The following ULK1 variants were observed in gnomAD, a reference collection of about 807,000 sequenced individuals.
The protein encoded by ULK1 is serine/threonine-protein kinase ULK1.
ULK1 carries 48 observed loss-of-function variants against 117.5 expected under a neutral mutation model. That is an observed-to-expected ratio of 0.41 (90% CI 0.32 to 0.52). The LOEUF is 0.52. ULK1 is among the 20% of genes least tolerant of loss of function. ULK1 has a pLI of 0.29. For synonymous variants in ULK1, 790 were observed against 637.8 expected (o/e 1.24, Z -3.60); for missense variants, 1,387 against 1,473.4 (o/e 0.94, Z 0.96).
intron 26 of ULK1, chr12:131,920,867 T>G: frequency 1.7e-6 from 1 of 579,028 alleles, no homozygotes; most frequent in Non-Finnish European, 3.0e-6. Flanking sequence ...CACTCTGTTG[T>G]CCTGGGGCCG....
At chr12:131,914,302 C>T (rs996433900) in intron 15 of ULK1, 50 bp from the exon 16 acceptor site, 3 of 1,591,630 alleles carry the variant, frequency 1.9e-6, no homozygotes, top group Non-Finnish European at 2.6e-6. Flanking sequence ...ATGACCTCAG[C>T]CTCTTGTGAC....
Position 131,915,218 on chromosome 12 carries a change from G to T in ULK1, c.1509G>T (p.Thr503=). 6.2e-7 allele frequency: 1 copy of T among 1,600,838 alleles called. No individual in the cohort carries two copies. Among genetic ancestry groups the T allele is most frequent in the Non-Finnish European group, 8.5e-7 (1 of 1,174,174 alleles). Reference sequence around the variant, plus strand: ...CTCTGGGTGGAGGCCGGCCCTACACGCCATCTCCTCAAGGTGCGCCTGCAG... The same window carrying T: ...CTCTGGGTGGAGGCCGGCCCTACACTCCATCTCCTCAAGGTGCGCCTGCAG... ...KMSLGGGRPY[T]PSPQVGTIPE... is the part of the protein sequence containing the mutation. The change falls in exon 17 of 28, where the codon ACG becomes ACT. Residue 503 remains threonine, a synonymous_variant. Transcript: ENST00000321867.
At chr12:131,906,099 C>CTT (rs1293402052) in intron 3 of ULK1, among the ~76,000 whole-genome samples, 1 of 151,530 alleles carries the variant, frequency 6.6e-6, no homozygotes. Flanking sequence ...CTGTTGGCGT[C>CTT]TTCTTTTTTT....
intron 11 of ULK1, among the ~76,000 whole-genome samples, 190 bp from the exon 12 acceptor site, chr12:131,910,522 G>A (rs1165975819): frequency 6.6e-6 from 1 of 152,134 alleles, no homozygotes; most frequent in Non-Finnish European, 1.5e-5. Flanking sequence ...GGGATGGGGT[G>A]TTGGAGGGGC....
chr12:131,913,871 T>G, intron 15 of ULK1, 35 bp downstream of exon 15: 2 of 1,467,140 alleles, frequency 1.4e-6, no homozygotes, highest in Middle Eastern at 1.9e-4. Context: ...GATGGGGCTG[T>G]GAACAGTCCC....
chr12:131,913,340 C>G (rs1319084197), intron 14 of ULK1, 82 bp downstream of exon 14: 1 of 1,362,718 alleles, frequency 7.3e-7, no homozygotes, highest in Non-Finnish European at 9.7e-7. Flanking sequence ...TACAATGAGC[C>G]GAGATCGCGC....
chr12:131,921,654 C>T lies in ULK1; in HGVS notation c.*293C>T. 1.7e-6 allele frequency: 1 copy of T among 604,760 alleles called. No individual in the cohort carries two copies. The highest frequency in any genetic ancestry group is 3.0e-6 in the Non-Finnish European group (1 of 337,048). The allele number at this position is 604,760 out of a possible 1,614,324, so 37.5% of individuals were successfully genotyped here. A position where few individuals can be genotyped will look rare whatever the true frequency, so the allele number is the denominator to read the frequency against. ...GCGTGGGTGCCACCACCCTCTAGCC[C>T]CAGGGCAGCCCCGGAGGACAGGCAA... On this transcript the variant is annotated 3_prime_UTR_variant, in exon 28 of 28. Coordinates refer to ENST00000321867, the MANE Select transcript of ULK1 (RefSeq NM_003565.4).
intron 3 of ULK1, 26 bp downstream of exon 3, chr12:131,895,850 TG>T: frequency 6.2e-7 from 1 of 1,613,766 alleles, no homozygotes; most frequent in Non-Finnish European, 8.5e-7. Flanking sequence ...TGCGGTCTGC[TG>T]GGGACCGGGC....
chr12:131,910,667 G>A lies in ULK1; in HGVS notation c.860-45G>A, dbSNP rs781766194. The A allele has an allele frequency of 4.3e-6, 7 of 1,612,766 alleles. No individual in the cohort carries two copies. In the South Asian group the frequency reaches 6.6e-5, roughly 15 times the overall value. ...TGTGGGTTGGCTCGAGGGTGAGGAGGAGACAGGAGGATGGCCCAGACTGAC... is the reference window on the plus strand; with the variant it reads ...TGTGGGTTGGCTCGAGGGTGAGGAGAAGACAGGAGGATGGCCCAGACTGAC... On this transcript the variant is annotated intron_variant, in intron 11 of 27. Coordinates refer to ENST00000321867, the MANE Select transcript of ULK1 (RefSeq NM_003565.4).
intron 10 of ULK1, 56 bp downstream of exon 10, chr12:131,910,057 C>G (rs1838324204): frequency 6.3e-7 from 1 of 1,598,106 alleles, no homozygotes; most frequent in South Asian, 1.1e-5. Context: ...CTTGCATTTG[C>G]TGATGTGAGC....
intron 3 of ULK1, chr12:131,898,201 GC>G (rs916557715): frequency 2.0e-5 from 3 of 152,218 alleles, no homozygotes; most frequent in African/African-American, 7.2e-5. Flanking sequence ...CGTGCCTGTT[GC>G]CCGAGATTCC....
intron 20 of ULK1, 77 bp from the exon 21 acceptor site, chr12:131,916,876 C>A: frequency 7.5e-7 from 1 of 1,337,314 alleles, no homozygotes; most frequent in Non-Finnish European, 1.0e-6. Flanking sequence ...GTGTGTCTGG[C>A]CTGCAGAGGG....
chr12:131,902,353 TG>T lies in ULK1; in HGVS notation c.247-4537del, dbSNP rs1889123446. On this transcript the variant is annotated intron_variant, in intron 3 of 27. Transcript: ENST00000321867. The surrounding 1 kb of genome is among the most constrained non-coding windows in gnomAD (Gnocchi z 6.3). The stretch of plus-strand genomic sequence containing the variant: ...GTAGGGCTGGCAGAGGGTGGGAGCC[TG>T]GATCCTATTAAGTAAAGCACCTTAG... Among the ~76,000 whole-genome samples the T allele has an allele frequency of 6.6e-6, 1 of 152,094 alleles. No homozygotes were observed. Among genetic ancestry groups the T allele is most frequent in the East Asian group, 1.9e-4 (1 of 5,182 alleles).
chr12:131,908,662 AG>A lies in ULK1; in HGVS notation c.337del (p.Asp113ThrfsTer27). The A allele has an allele frequency of 6.4e-7, 1 of 1,555,280 alleles. No individual in the cohort carries two copies. Among genetic ancestry groups the A allele is most frequent in the Non-Finnish European group, 8.7e-7 (1 of 1,155,806 alleles). On this transcript the variant is annotated frameshift_variant, in exon 6 of 28. Coordinates refer to ENST00000321867, the MANE Select transcript of ULK1 (RefSeq NM_003565.4). LOFTEE classifies it high-confidence loss of function. ...CCCGCAGCCATGCGCACGCTGAGCG[AG>A]GACACCATCAGGCTCTTCCTGCAGC... Reference protein sequence around the residue: ...DYLHAMRTLSEDTIRLFLQQI... With the variant: ...DYLHAMRTLSXDTIRLFLQQI...
rs755019648 is a variant in ULK1, at chr12:131,921,213, C to G, written c.3075C>G (p.Ala1025=). Residue 1025 remains alanine (A), a synonymous_variant, in exon 27 of 28, where the codon GCC becomes GCG. Transcript: ENST00000321867. ...EGLQHMLSDQ[A]DIENVTKCKL... ...TGCAGCACATGCTCTCGGACCAGGC[C>G]GACATCGAGAACGTCACCAAGTGTG... 3 of 1,606,828 alleles carry G rather than the reference C, an allele frequency of 1.9e-6. No individual in the cohort carries two copies. The highest frequency in any genetic ancestry group is 1.1e-5 in the South Asian group (1 of 91,086).
At chr12:131,908,269 G>T (rs1003319001) in intron 5 of ULK1, among the ~76,000 whole-genome samples, 8 of 151,942 alleles carry the variant, frequency 5.3e-5, no homozygotes, top group Non-Finnish European at 1.0e-4. Flanking sequence ...GCGTAGCTGA[G>T]ACTGGGGCTG....
At position 131,906,913 on chromosome 12, in the gene ULK1, C is replaced by T. The variant is rs538248488; in HGVS notation, c.268C>T (p.Leu90=). 1.9e-6 allele frequency: 3 copies of T among 1,614,092 alleles called. No homozygotes were observed. In the Admixed American group the frequency reaches 5.0e-5, roughly 27 times the overall value. ...DFQEMANSVY[L]VMEYCNGGDL... ...GCAGGAAATGGCTAATTCTGTCTAC[C>T]TGGTTATGGAGGTGAGTGCCTTGTG... is the stretch of plus-strand genomic sequence containing the variant. Residue 90 remains leucine (L), a synonymous_variant, in exon 4 of 28, where the codon CTG becomes TTG. Transcript: ENST00000321867.
At chr12:131,899,802 C>A (rs1889016010) in intron 3 of ULK1, among the ~76,000 whole-genome samples, 2 of 152,182 alleles carry the variant, frequency 1.3e-5, no homozygotes, top group Admixed American at 6.5e-5. Flanking sequence ...AGGTAGCCTC[C>A]TGGCACCTCC....
In ULK1 at chr12:131,921,440, C is replaced by G. The variant is rs1003309287; in HGVS notation, c.*79C>G. 6.3e-7 allele frequency: 1 copy of G among 1,586,608 alleles called. No homozygotes were observed. Among genetic ancestry groups the G allele is most frequent in the Non-Finnish European group, 8.5e-7 (1 of 1,170,604 alleles). On this transcript the variant is annotated 3_prime_UTR_variant, in exon 28 of 28. Coordinates refer to ENST00000321867, the MANE Select transcript of ULK1 (RefSeq NM_003565.4). ...TGTGTGCTGGCTGGACTCCTCGGGA[C>G]AAGCCCATGGCGCTGATCGCTGGTG...
Sources: gnomAD v4.1 joint callset for allele counts (sites outside exome capture counted in the v4.1 genomes callset) on GRCh38, gnomAD v4.1.1 for gene constraint, Gnocchi (gnomAD v3.1) non-coding constraint, MANE v1.5 for transcripts, NCBI Gene and HGNC (gene_info 2026-07-23, HGNC 2026-07-21) for gene names.